MAGI1: variants seen among roughly 807,000 people sequenced by gnomAD.
MAGI1 encodes the protein membrane associated guanylate kinase, WW and PDZ domain containing 1.
A neutral mutation model predicts 139.9 loss-of-function variants in MAGI1; 58 were observed. That is an observed-to-expected ratio of 0.41 (90% CI 0.34 to 0.52). The LOEUF (loss-of-function observed/expected upper bound fraction) is 0.52, where lower values mean the gene tolerates loss of function less well. MAGI1 is among the 20% of genes least tolerant of loss of function. The pLI, the probability that MAGI1 is intolerant of heterozygous loss-of-function variation, is 0.12. For missense variants in MAGI1, 1,874 were observed against 1,901.6 expected (o/e 0.99, Z 0.27); for synonymous variants, 812 against 737.9 (o/e 1.10, Z -1.63).
At chr3:65,824,432 C>G (rs898286431) in intron 1 of MAGI1, among the ~76,000 whole-genome samples, 1 of 152,152 alleles carries the variant, frequency 6.6e-6, no homozygotes, top group Non-Finnish European at 1.5e-5. Flanking sequence ...GGGAGAAAAA[C>G]GAGGGGCCCA....
chr3:65,598,384 C>T (rs1458009818), intron 2 of MAGI1, among the ~76,000 whole-genome samples: 3 of 152,076 alleles, frequency 2.0e-5, no homozygotes, highest in African/African-American at 4.8e-5. Context: ...TGGGTGAGGG[C>T]GAGGGAAGGG....
intron 18 of MAGI1, among the ~76,000 whole-genome samples, chr3:65,370,260 T>C (rs1575615787): frequency 6.6e-6 from 1 of 151,960 alleles, no homozygotes; most frequent in Non-Finnish European, 1.5e-5. Flanking sequence ...ACAGCGAGAC[T>C]CCGTCTCAAA....
chr3:65,639,667 G>A (rs765550943), intron 1 of MAGI1, among the ~76,000 whole-genome samples: 3 of 152,070 alleles, frequency 2.0e-5, no homozygotes, highest in Non-Finnish European at 4.4e-5. Flanking sequence ...ATCAGTTGAA[G>A]GACTGAATAG....
intron 2 of MAGI1, among the ~76,000 whole-genome samples, chr3:65,504,026 T>C (rs2077182384): frequency 6.6e-6 from 1 of 152,170 alleles, no homozygotes; most frequent in African/African-American, 2.4e-5. Flanking sequence ...AATCATATAA[T>C]ACAAAAAGAG....
At chr3:65,402,703 G>A (rs1945009429) in intron 12 of MAGI1, among the ~76,000 whole-genome samples, 1 of 152,132 alleles carries the variant, frequency 6.6e-6, no homozygotes, top group Non-Finnish European at 1.5e-5. Flanking sequence ...TTCAGCACAA[G>A]TAATATGAGG....
intron 1 of MAGI1, among the ~76,000 whole-genome samples, chr3:65,737,042 G>A (rs1423630120): frequency 6.7e-6 from 1 of 149,778 alleles, no homozygotes; most frequent in Non-Finnish European, 1.5e-5. Flanking sequence ...GTCTCGCTCT[G>A]TCCCTAGGCT....
intron 18 of MAGI1, among the ~76,000 whole-genome samples, chr3:65,365,987 T>C (rs897543485): frequency 5.9e-5 from 9 of 152,328 alleles, no homozygotes; most frequent in African/African-American, 1.9e-4. Flanking sequence ...TTACTCAGCT[T>C]TGGTCCGGCT....
intron 1 of MAGI1, among the ~76,000 whole-genome samples, chr3:65,988,604 C>G (rs756836304): frequency 2.2e-4 from 34 of 152,276 alleles, no homozygotes; most frequent in Middle Eastern, 3.4e-3. Flanking sequence ...CCTCTAGAAA[C>G]CATAATCAGA....
chr3:65,628,133 T>C (rs539620012), intron 1 of MAGI1, among the ~76,000 whole-genome samples: 1 of 152,270 alleles, frequency 6.6e-6, no homozygotes, highest in African/African-American at 2.4e-5. Flanking sequence ...TAGATATCTT[T>C]GATTTATCTT....
intron 18 of MAGI1, among the ~76,000 whole-genome samples, chr3:65,372,285 T>C (rs1942076554): frequency 6.6e-6 from 1 of 152,232 alleles, no homozygotes; most frequent in South Asian, 2.1e-4. Flanking sequence ...ATTAGAACTC[T>C]TGGGTGACCA....
In MAGI1 at chr3:65,699,673, A is replaced by G. The variant is rs2089459752; in HGVS notation, c.314-77585T>C. 2.1e-5 allele frequency among the ~76,000 whole-genome samples: 3 copies of G among 144,422 alleles called. No homozygotes were observed. In the Admixed American group the frequency reaches 2.1e-4, roughly 10 times the overall value. 94.7% of individuals were successfully genotyped at this position (144,422 alleles called of 152,430 possible). ...ATGCTCACTCATAGGTGGGAATTGAACAATGAGATCACATGGACACAGGAA... is the reference window on the plus strand; with the variant it reads ...ATGCTCACTCATAGGTGGGAATTGAGCAATGAGATCACATGGACACAGGAA... On this transcript the variant is annotated intron_variant, in intron 1 of 22. Coordinates refer to ENST00000402939, the MANE Select transcript of MAGI1 (RefSeq NM_001033057.2).
chr3:65,616,428 T>C (rs1252756091), intron 2 of MAGI1, among the ~76,000 whole-genome samples: 1 of 152,152 alleles, frequency 6.6e-6, no homozygotes, highest in East Asian at 1.9e-4. Context: ...AGCGTTCAGA[T>C]CCTTAAGAGT....
intron 2 of MAGI1, among the ~76,000 whole-genome samples, chr3:65,522,049 C>T (rs1487487228): frequency 5.3e-5 from 8 of 152,018 alleles, no homozygotes; most frequent in Non-Finnish European, 1.0e-4. Context: ...AAAATCCAAA[C>T]GGAATTTCAT....
At chr3:65,456,560 T>C (rs143529161) in intron 5 of MAGI1, among the ~76,000 whole-genome samples, 1,846 of 152,316 alleles carry the variant, frequency 0.012, 25 homozygotes, top group African/African-American at 0.04. Flanking sequence ...TTTTTCTTTC[T>C]CAGGGATCTT....
chr3:65,585,837 G>A (rs138241664), intron 2 of MAGI1, among the ~76,000 whole-genome samples: 264 of 152,196 alleles, frequency 1.7e-3, no homozygotes, highest in African/African-American at 5.7e-3. Context: ...TTTAACTGGT[G>A]AATGGCTACA....
At chr3:65,806,654 A>G (rs1195283259) in intron 1 of MAGI1, among the ~76,000 whole-genome samples, 1 of 152,194 alleles carries the variant, frequency 6.6e-6, no homozygotes, top group African/African-American at 2.4e-5. Flanking sequence ...AAACTCCTTT[A>G]AATTTAATTC....
At chr3:65,927,177 A>T (rs1336710216) in intron 1 of MAGI1, among the ~76,000 whole-genome samples, 2 of 152,156 alleles carry the variant, frequency 1.3e-5, no homozygotes, top group African/African-American at 4.8e-5. Flanking sequence ...TTATTTCTTT[A>T]CTTTCTTAAT....
chr3:65,707,512 C>G (rs1386463420), intron 1 of MAGI1, among the ~76,000 whole-genome samples: 1 of 152,034 alleles, frequency 6.6e-6, no homozygotes, highest in African/African-American at 2.4e-5. Context: ...CAGTGAGACA[C>G]TGTCTCTCTA....
intron 1 of MAGI1, among the ~76,000 whole-genome samples, chr3:65,878,883 A>G (rs1263263403): frequency 1.3e-5 from 2 of 152,156 alleles, no homozygotes; most frequent in Non-Finnish European, 2.9e-5. Flanking sequence ...TAGGGGAAAG[A>G]GCAGAGGTGA....
Sources: gnomAD v4.1 joint callset for allele counts (sites outside exome capture counted in the v4.1 genomes callset) on GRCh38, gnomAD v4.1.1 for gene constraint, MANE v1.5 for transcripts, NCBI Gene and HGNC (gene_info 2026-07-23, HGNC 2026-07-21) for gene names.